The following ETV6 variants were observed in gnomAD, a reference collection of about 807,000 sequenced individuals.
ETV6 encodes ETS variant transcription factor 6.
In ETV6, 16 loss-of-function variants were observed where a neutral mutation model predicts 51.1. The observed-to-expected ratio is 0.31, with a 90% CI of 0.21 to 0.48. The LOEUF (loss-of-function observed/expected upper bound fraction) is 0.48, where lower values mean the gene tolerates loss of function less well. Ranked by LOEUF, ETV6 falls within the 20% of genes least tolerant of loss-of-function variation. ETV6 has a pLI of 0.99. For synonymous variants in ETV6, 240 were observed against 224.1 expected, an observed-to-expected ratio of 1.07 and a Z score of -0.64; for missense variants, 458 against 594.8, an observed-to-expected ratio of 0.77 and a Z score of 2.39.
chr12:11,865,014 G>A (rs1946771906), intron 4 of ETV6, among the ~76,000 whole-genome samples: 1 of 152,158 alleles, frequency 6.6e-6, no homozygotes, highest in Admixed American at 6.5e-5. Context: ...CACTTTGGGA[G>A]GCTGAGGTGG....
Position 11,752,578 on chromosome 12 carries a change from G to T in ETV6, c.162G>T (p.Leu54=). 1 of 1,611,348 alleles carries T rather than the reference G, an allele frequency of 6.2e-7. No homozygotes were observed. Residue 54 remains leucine (L), a splice_region_variant and synonymous_variant, in exon 2 of 8, where the codon CTG becomes CTT. Transcript: ENST00000396373. ...EEDSIRLPAH[L]RLQPIYWSRD... ...ACTCGATCCGCCTGCCTGCGCACCT[G>T]CGTGAGTGTTCGTGACCCGAGAGGG... is the stretch of plus-strand genomic sequence containing the variant.
chr12:11,671,519 T>C (rs1864315448), intron 1 of ETV6, among the ~76,000 whole-genome samples: 1 of 152,210 alleles, frequency 6.6e-6, no homozygotes, highest in Non-Finnish European at 1.5e-5. Context: ...AAGAGAAATA[T>C]TTAAGGCGAT....
chr12:11,836,598 GTGTGACTCTTCT>G (rs1946319865), intron 2 of ETV6, among the ~76,000 whole-genome samples: 2 of 152,156 alleles, frequency 1.3e-5, no homozygotes, highest in South Asian at 4.1e-4. Flanking sequence ...GCTGTTTGGA[GTGTGACTCTTCT>G]TGTATTTAGG....
intron 5 of ETV6, among the ~76,000 whole-genome samples, chr12:11,880,664 G>A (rs921907753): frequency 9.2e-5 from 14 of 152,176 alleles, no homozygotes; most frequent in African/African-American, 3.4e-4. Flanking sequence ...GCTTCTGAGT[G>A]GAGTGCCTTC....
chr12:11,725,265 T>C (rs1467395592), intron 1 of ETV6, among the ~76,000 whole-genome samples: 1 of 152,044 alleles, frequency 6.6e-6, no homozygotes, highest in Non-Finnish European at 1.5e-5. Context: ...AAATTTTAGT[T>C]GTAAGAAAAT....
chr12:11,752,533 A>T lies in ETV6; in HGVS notation c.117A>T (p.Arg39=). 3 of 1,613,830 alleles carry T rather than the reference A, an allele frequency of 1.9e-6. No homozygotes were observed. Among genetic ancestry groups the T allele is most frequent in the Non-Finnish European group, 1.7e-6 (2 of 1,179,986 alleles). ...SSTPLHVPVP[R]ALRMEEDSIR... is the part of the protein sequence containing the mutation. ...CGCCACTTCATGTTCCAGTGCCTCGAGCGCTCAGGATGGAGGAAGACTCGA... is the reference window on the plus strand; with the variant it reads ...CGCCACTTCATGTTCCAGTGCCTCGTGCGCTCAGGATGGAGGAAGACTCGA... The change falls in exon 2 of 8, where the codon CGA becomes CGT. Residue 39 remains arginine (R), a synonymous_variant. Coordinates refer to ENST00000396373, the MANE Select transcript of ETV6 (RefSeq NM_001987.5).
intron 1 of ETV6, among the ~76,000 whole-genome samples, chr12:11,693,441 A>G (rs1429572836): frequency 6.6e-6 from 1 of 152,010 alleles, no homozygotes; most frequent in Non-Finnish European, 1.5e-5. Context: ...ACTTAGTGTC[A>G]TCCTCTCACT....
At chr12:11,749,346 C>T (rs968391162) in intron 1 of ETV6, among the ~76,000 whole-genome samples, 8 of 126,950 alleles carry the variant, frequency 6.3e-5, no homozygotes, top group Non-Finnish European at 1.2e-4. Context: ...CACACACACA[C>T]ACACCCCTAC....
chr12:11,681,680 C>T (rs958144896), intron 1 of ETV6, among the ~76,000 whole-genome samples: 2 of 152,120 alleles, frequency 1.3e-5, no homozygotes, highest in Non-Finnish European at 2.9e-5. Flanking sequence ...CCCATCAGCC[C>T]GTCATCTACA....
At chr12:11,724,467 G>A (rs557181140) in intron 1 of ETV6, among the ~76,000 whole-genome samples, 1 of 152,310 alleles carries the variant, frequency 6.6e-6, no homozygotes, top group South Asian at 2.1e-4. Context: ...TTTCCTCATT[G>A]TTTCTCTTTG....
chr12:11,840,503 A>C, intron 3 of ETV6: 1 of 456,104 alleles, frequency 2.2e-6, no homozygotes, highest in South Asian at 1.5e-5. Flanking sequence ...AGGATCCTGC[A>C]GAAGGTCTTG....
At chr12:11,677,427 C>CAT (rs1296194177) in intron 1 of ETV6, among the ~76,000 whole-genome samples, 1 of 152,206 alleles carries the variant, frequency 6.6e-6, no homozygotes, top group Non-Finnish European at 1.5e-5. Flanking sequence ...CATGCACACA[C>CAT]ATACACTCTG....
At chr12:11,885,806 G>A (rs1034626186) in intron 6 of ETV6, 120 bp from the exon 7 acceptor site, 1 of 674,892 alleles carries the variant, frequency 1.5e-6, no homozygotes, top group Non-Finnish European at 2.5e-6. Flanking sequence ...TCCCAAACTG[G>A]CAGGGCCACA....
At chr12:11,791,003 C>A (rs1308603086) in intron 2 of ETV6, among the ~76,000 whole-genome samples, 1 of 152,038 alleles carries the variant, frequency 6.6e-6, no homozygotes, top group Admixed American at 6.5e-5. Flanking sequence ...TCTAATCTGC[C>A]ATGGTAGGGG....
At chr12:11,709,370 CTTCTTTTCT>C (rs1282168007) in intron 1 of ETV6, among the ~76,000 whole-genome samples, 9 of 152,020 alleles carry the variant, frequency 5.9e-5, no homozygotes, top group African/African-American at 2.2e-4. Flanking sequence ...CTCCTCTCTT[CTTCTTTTCT>C]TTCTTTTCGA....
intron 3 of ETV6, among the ~76,000 whole-genome samples, chr12:11,852,036 G>T (rs1156894354): frequency 2.0e-5 from 3 of 152,200 alleles, no homozygotes; most frequent in African/African-American, 7.2e-5. Flanking sequence ...CCCATTGTTT[G>T]TTATTACTGC....
chr12:11,840,443 T>A (rs1462054661), intron 3 of ETV6: 1 of 456,116 alleles, frequency 2.2e-6, no homozygotes, highest in Admixed American at 2.3e-5. Context: ...GCCCTCCTTT[T>A]ACTGAATCCC....
At chr12:11,727,622 G>C (rs138952616) in intron 1 of ETV6, among the ~76,000 whole-genome samples, 8 of 152,072 alleles carry the variant, frequency 5.3e-5, no homozygotes, top group Non-Finnish European at 8.8e-5. Context: ...GATTAAAAGC[G>C]TGGGGGGAAT....
At chr12:11,707,218 G>A (rs1292310656) in intron 1 of ETV6, among the ~76,000 whole-genome samples, 2 of 151,674 alleles carry the variant, frequency 1.3e-5, no homozygotes, top group African/African-American at 2.4e-5. Context: ...TGTTGGAGAG[G>A]AAAAAAAATC....
Sources: allele counts gnomAD v4.1 joint callset (sites outside exome capture counted in the v4.1 genomes callset), GRCh38; gene constraint gnomAD v4.1.1; transcripts MANE v1.5; gene names NCBI Gene and HGNC (gene_info 2026-07-23, HGNC 2026-07-21).